COL28A1: variants seen among roughly 807,000 people sequenced by gnomAD.
COL28A1 encodes the protein collagen alpha-1(XXVIII) chain.
A neutral mutation model predicts 150.2 loss-of-function variants in COL28A1; 161 were observed. The observed-to-expected ratio is 1.07, with a 90% CI of 0.94 to 1.22. The LOEUF is 1.22. COL28A1 is among the 50% of genes most tolerant of loss of function. COL28A1 has a pLI of 0.00. For missense variants in COL28A1, 1,617 were observed against 1,388.3 expected (o/e 1.16, Z -2.62); for synonymous variants, 552 against 469.7 (o/e 1.18, Z -2.26).
At chr7:7,476,287 G>T (rs1454258105) in intron 14 of COL28A1, among the ~76,000 whole-genome samples, 1 of 152,196 alleles carries the variant, frequency 6.6e-6, no homozygotes, top group East Asian at 1.9e-4. Context: ...TGTTGTTGAT[G>T]CTGCTCATTT....
chr7:7,383,835 AT>A (rs1782033673), intron 27 of COL28A1, among the ~76,000 whole-genome samples: 1 of 152,072 alleles, frequency 6.6e-6, no homozygotes, highest in African/African-American at 2.4e-5. Context: ...TAAAAATAAT[AT>A]TTTAAGAATA....
At chr7:7,444,584 C>G (rs1786106830) in intron 18 of COL28A1, 95 bp from the exon 19 acceptor site, 1 of 1,246,102 alleles carries the variant, frequency 8.0e-7, no homozygotes, top group African/African-American at 1.5e-5. Context: ...TGAGAAAAGC[C>G]TCCGAGAAAT....
the COL28A1 span, among the ~76,000 whole-genome samples, chr7:7,347,179 G>C: frequency 6.6e-6 from 1 of 152,124 alleles, no homozygotes; most frequent in South Asian, 2.1e-4. Context: ...GGCCATACCA[G>C]GCAGTGTAAG....
At chr7:7,365,775 T>C (rs1201182614) in intron 33 of COL28A1, among the ~76,000 whole-genome samples, 2 of 152,158 alleles carry the variant, frequency 1.3e-5, no homozygotes, top group Non-Finnish European at 2.9e-5. Context: ...CCAATTTGGC[T>C]CTGGGGATTC....
intron 25 of COL28A1, among the ~76,000 whole-genome samples, chr7:7,421,417 A>G (rs183797547): frequency 8.5e-4 from 130 of 152,308 alleles, no homozygotes; most frequent in Non-Finnish European, 1.4e-3. Flanking sequence ...TTAAAGAACC[A>G]TTGAATTTTA....
At chr7:7,410,574 A>G (rs896843513) in intron 27 of COL28A1, among the ~76,000 whole-genome samples, 1 of 151,716 alleles carries the variant, frequency 6.6e-6, no homozygotes. Context: ...TATTGTTTCT[A>G]TTACTTTCTG....
intron 33 of COL28A1, among the ~76,000 whole-genome samples, chr7:7,367,978 G>C (rs112508179): frequency 1.4e-3 from 205 of 151,808 alleles, no homozygotes; most frequent in African/African-American, 4.8e-3. Context: ...TTCTACCCTA[G>C]AAATGGCTTT....
In COL28A1 at chr7:7,490,611, TG is replaced by T; in HGVS notation, c.1061del (p.Pro354GlnfsTer84). On this transcript the variant is annotated frameshift_variant, in exon 12 of 35. Transcript: ENST00000399429. LOFTEE classifies it high-confidence loss of function. ...EPGPPGPYGS[P>X]GAPGIGQQGI... The stretch of plus-strand genomic sequence containing the variant: ...CTTGCTGTCCAATTCCAGGAGCTCC[TG>T]GAGAACCATAAGGACCAGGAGGACC... 1 of 1,395,788 alleles carries T rather than the reference TG, an allele frequency of 7.2e-7. No individual in the cohort carries two copies. Among genetic ancestry groups the T allele is most frequent in the Non-Finnish European group, 1.0e-6 (1 of 981,924 alleles). The allele number at this position is 1,395,788 out of a possible 1,614,324, so 86.5% of individuals were successfully genotyped here.
Position 7,373,187 on chromosome 7 carries a change from T to C in COL28A1, c.2719A>G (p.Thr907Ala). Residue 907 changes from threonine (T) to alanine (A), a missense_variant, in exon 32 of 35, where the codon ACA (threonine) becomes GCA (alanine). By Grantham distance (58) the Thr-to-Ala change is moderately conservative. Transcript: ENST00000399429. The surrounding 1 kb of genome is among the most constrained non-coding windows in gnomAD (Gnocchi z 4.1). ...KVALVITDGQTDSRDKEKLTE... is the reference protein window; with the variant it reads ...KVALVITDGQADSRDKEKLTE... ...AGTTTCTCTTTATCACGAGAATCTG[T>C]CTGTCCATCAGTGATGACCAAGGCC... is the stretch of plus-strand genomic sequence containing the variant. The C allele has an allele frequency of 1.2e-6, 2 of 1,614,220 alleles. No homozygotes were observed. Among genetic ancestry groups the C allele is most frequent in the Non-Finnish European group, 1.7e-6 (2 of 1,180,048 alleles).
intron 15 of COL28A1, among the ~76,000 whole-genome samples, chr7:7,465,113 C>G (rs1257794374): frequency 6.6e-6 from 1 of 150,700 alleles, no homozygotes; most frequent in African/African-American, 2.4e-5. Context: ...CCAAGATGGC[C>G]GAATAGGAAC....
chr7:7,455,974 G>C (rs1787133105), intron 16 of COL28A1, 70 bp downstream of exon 16: 1 of 1,600,140 alleles, frequency 6.2e-7, no homozygotes, highest in Admixed American at 1.7e-5. Flanking sequence ...TGCAGGACTG[G>C]CCTTCAATGA....
intron 2 of COL28A1, 43 bp downstream of exon 2, chr7:7,532,709 T>C: frequency 6.3e-7 from 1 of 1,579,138 alleles, no homozygotes; most frequent in Non-Finnish European, 8.5e-7. Context: ...ATAAGTATTT[T>C]TAACAGGCTA....
the COL28A1 span, among the ~76,000 whole-genome samples, chr7:7,344,421 G>T: frequency 1.1e-3 from 167 of 151,520 alleles, no homozygotes; most frequent in African/African-American, 3.6e-3. Context: ...TTTAATAGTT[G>T]GTCTAGTGAT....
At chr7:7,431,632 G>A in intron 25 of COL28A1, 2 of 471,116 alleles carry the variant, frequency 4.2e-6, no homozygotes, top group Non-Finnish European at 8.8e-6. Flanking sequence ...CAAGGCCATG[G>A]GAAGTGTTCA....
intron 21 of COL28A1, among the ~76,000 whole-genome samples, chr7:7,439,409 T>G (rs1403544694): frequency 2.6e-5 from 4 of 152,194 alleles, no homozygotes; most frequent in African/African-American, 9.7e-5. Flanking sequence ...CATGAACCTG[T>G]TAAAATTCTT....
intron 7 of COL28A1, among the ~76,000 whole-genome samples, chr7:7,517,304 A>G (rs1450308545): frequency 2.0e-5 from 3 of 152,182 alleles, no homozygotes; most frequent in Non-Finnish European, 4.4e-5. Flanking sequence ...TGCAATGCCC[A>G]GAAAAGTGCA....
chr7:7,391,467 G>C (rs183759772), intron 27 of COL28A1, among the ~76,000 whole-genome samples: 1 of 152,280 alleles, frequency 6.6e-6, no homozygotes, highest in East Asian at 1.9e-4. Flanking sequence ...ATTTGGGGTG[G>C]AAGGTTCTGT....
chr7:7,384,269 T>C (rs934349995), intron 27 of COL28A1, among the ~76,000 whole-genome samples: 4 of 152,194 alleles, frequency 2.6e-5, no homozygotes, highest in African/African-American at 9.7e-5. Flanking sequence ...CTACAATGTC[T>C]TGGGCCCACC....
intron 30 of COL28A1, among the ~76,000 whole-genome samples, chr7:7,378,603 A>G (rs574985397): frequency 1.4e-3 from 214 of 152,336 alleles, no homozygotes; most frequent in African/African-American, 4.7e-3. Flanking sequence ...TCGATCACAG[A>G]AAGGATAAGA....
Sources: gnomAD v4.1 joint callset for allele counts (sites outside exome capture counted in the v4.1 genomes callset) on GRCh38, gnomAD v4.1.1 for gene constraint, Gnocchi (gnomAD v3.1) non-coding constraint, MANE v1.5 for transcripts, NCBI Gene and HGNC (gene_info 2026-07-23, HGNC 2026-07-21) for gene names.